The following TFEC variants were observed in gnomAD, a reference collection of about 807,000 sequenced individuals.
TFEC encodes the protein transcription factor EC.
A neutral mutation model predicts 41.6 loss-of-function variants in TFEC; 31 were observed. The ratio of observed to expected loss-of-function variants is 0.74; its 90% confidence interval spans 0.56 to 1.01. The LOEUF (loss-of-function observed/expected upper bound fraction) is 1.01, where lower values mean the gene tolerates loss of function less well. TFEC is among the 50% of genes least tolerant of loss of function. The pLI, the probability that TFEC is intolerant of heterozygous loss-of-function variation, is 0.00. For synonymous variants in TFEC, 143 were observed against 140.6 expected, an observed-to-expected ratio of 1.02 and a Z score of -0.12; for missense variants, 402 against 404.1, an observed-to-expected ratio of 0.99 and a Z score of 0.04.
chr7:115,965,850 C>T (rs989942044), intron 3 of TFEC, among the ~76,000 whole-genome samples: 11 of 151,590 alleles, frequency 7.3e-5, no homozygotes, highest in Admixed American at 6.6e-5. Flanking sequence ...GCTTTTTCTA[C>T]TGTTTTGGCC....
chr7:116,024,362 A>G (rs975869471), intron 1 of TFEC, among the ~76,000 whole-genome samples: 4 of 152,206 alleles, frequency 2.6e-5, no homozygotes, highest in African/African-American at 9.6e-5. Flanking sequence ...AAAGGGTCCT[A>G]GAAAAGACTG....
intron 3 of TFEC, among the ~76,000 whole-genome samples, chr7:116,106,576 C>T (rs1376702955): frequency 2.0e-5 from 3 of 152,030 alleles, no homozygotes; most frequent in African/African-American, 7.2e-5. Context: ...TTAGTAGAGA[C>T]AGGATTTTTG....
intron 5 of TFEC, 137 bp from the exon 6 acceptor site, chr7:115,951,086 G>A (rs1429023450): frequency 2.3e-6 from 1 of 432,038 alleles, no homozygotes; most frequent in South Asian, 8.0e-5. Context: ...TACTTCTCAA[G>A]AATAAAATAA....
Position 115,941,999 on chromosome 7 carries a change from A to G in TFEC, c.557T>C (p.Val186Ala), listed in dbSNP as rs774371109. Residue 186 changes from valine to alanine, a missense_variant, in exon 7 of 8, where the codon GTG (valine) becomes GCG (alanine). Coordinates refer to ENST00000265440, the MANE Select transcript of TFEC (RefSeq NM_012252.4). ...TTTTTGTAGCCACTTGATGTACTCC[A>G]CTGATGCTTTTAGAATGGTTCCTTT... ...WNKGTILKASVEYIKWLQKEQ... is the reference protein window; with the variant it reads ...WNKGTILKASAEYIKWLQKEQ... 1 of 1,613,004 alleles carries G rather than the reference A, an allele frequency of 6.2e-7. No individual in the cohort carries two copies. Among genetic ancestry groups the G allele is most frequent in the Admixed American group, 1.7e-5 (1 of 59,914 alleles).
At position 115,937,175 on chromosome 7, in the gene TFEC, CA is replaced by C. The variant is rs1462298562; in HGVS notation, c.*3375del. ...ATTTTGTTGAAAAAAGAATGAAAAA[CA>C]ATAAAATTATTGTATCTTACTTTAA... On this transcript the variant is annotated 3_prime_UTR_variant, in exon 8 of 8. Coordinates refer to ENST00000265440, the MANE Select transcript of TFEC (RefSeq NM_012252.4). 1 of 151,136 alleles carries C rather than the reference CA, an allele frequency of 6.6e-6. No homozygotes were observed. The highest frequency in any genetic ancestry group is 1.5e-5 in the Non-Finnish European group (1 of 67,540). The allele number at this position is 151,136 out of a possible 1,614,324, so 9.4% of individuals were successfully genotyped here.
rs1797187248 is a variant in TFEC, at chr7:116,085,637, T to G, written c.198+25071A>C. ...AAGTATAAAATTATTGAATAAGATT[T>G]TTTAAGTTTGTTTATAGATTTCATT... On this transcript the variant is annotated intron_variant, in intron 3 of 8. Coordinates refer to the TFEC transcript ENST00000484212. 3.3e-5 allele frequency among the ~76,000 whole-genome samples: 5 copies of G among 151,902 alleles called. No homozygotes were observed. In the South Asian group the frequency reaches 1.0e-3, roughly 31 times the overall value.
At chr7:115,968,818 C>G (rs1213180202) in intron 3 of TFEC, among the ~76,000 whole-genome samples, 2 of 151,838 alleles carry the variant, frequency 1.3e-5, no homozygotes, top group African/African-American at 4.8e-5. Flanking sequence ...CCCTACTTTG[C>G]CATTCATTAA....
intron 6 of TFEC, among the ~76,000 whole-genome samples, chr7:115,950,492 A>G (rs1041972982): frequency 6.6e-6 from 1 of 151,982 alleles, no homozygotes; most frequent in Non-Finnish European, 1.5e-5. Context: ...TAACAATTCT[A>G]TTTTCACTTG....
intron 3 of TFEC, among the ~76,000 whole-genome samples, chr7:116,098,960 A>G (rs1284374353): frequency 2.0e-5 from 3 of 152,186 alleles, no homozygotes; most frequent in Non-Finnish European, 2.9e-5. Context: ...TCATAGATTT[A>G]GAAGCAAAAG....
At chr7:116,156,990 A>G (rs139513818) in intron 1 of TFEC, among the ~76,000 whole-genome samples, 2,820 of 152,292 alleles carry the variant, frequency 0.019, 34 homozygotes, top group Non-Finnish European at 0.027. Context: ...TTATTTTGAA[A>G]TAACTACAAC....
chr7:116,040,167 A>C (rs1352464143), intron 3 of TFEC, among the ~76,000 whole-genome samples: 1 of 152,150 alleles, frequency 6.6e-6, no homozygotes, highest in Non-Finnish European at 1.5e-5. Flanking sequence ...GAAAATAAAC[A>C]TAGGAAAAAC....
chr7:116,155,450 C>A (rs1798850634), intron 1 of TFEC, among the ~76,000 whole-genome samples: 1 of 152,196 alleles, frequency 6.6e-6, no homozygotes, highest in African/African-American at 2.4e-5. Flanking sequence ...TACAGCAAAC[C>A]TGCCAGCATC....
chr7:116,153,006 G>A (rs1417692148), intron 1 of TFEC, among the ~76,000 whole-genome samples: 1 of 152,118 alleles, frequency 6.6e-6, no homozygotes, highest in Non-Finnish European at 1.5e-5. Context: ...AGAAGGTAGA[G>A]GAAAGCATAA....
chr7:116,053,980 A>G (rs545117322), intron 3 of TFEC, among the ~76,000 whole-genome samples: 175 of 152,332 alleles, frequency 1.1e-3, no homozygotes, highest in African/African-American at 3.8e-3. Flanking sequence ...TCTAACTATT[A>G]TTGTTGCAAT....
intron 3 of TFEC, among the ~76,000 whole-genome samples, chr7:115,972,566 A>C (rs1793182063): frequency 6.6e-6 from 1 of 152,134 alleles, no homozygotes; most frequent in Non-Finnish European, 1.5e-5. Context: ...TATTGTGTGA[A>C]TATTATGCTT....
intron 1 of TFEC, among the ~76,000 whole-genome samples, chr7:116,121,912 C>G (rs1241719262): frequency 6.6e-6 from 1 of 151,890 alleles, no homozygotes; most frequent in Non-Finnish European, 1.5e-5. Context: ...TAAAATGTAG[C>G]TATTGGGAGG....
At chr7:116,138,712 G>A (rs1798482886) in intron 1 of TFEC, among the ~76,000 whole-genome samples, 1 of 152,110 alleles carries the variant, frequency 6.6e-6, no homozygotes, top group Non-Finnish European at 1.5e-5. Context: ...GCCTTGCAAA[G>A]GAAGACTCTT....
chr7:116,127,817 C>A (rs1014806591), intron 1 of TFEC, among the ~76,000 whole-genome samples: 37 of 151,958 alleles, frequency 2.4e-4, no homozygotes, highest in Non-Finnish European at 3.5e-4. Flanking sequence ...GTTACAAATT[C>A]ATAGCATGTT....
At chr7:116,097,313 T>G (rs976545594) in intron 3 of TFEC, among the ~76,000 whole-genome samples, 2 of 152,186 alleles carry the variant, frequency 1.3e-5, no homozygotes, top group Non-Finnish European at 2.9e-5. Flanking sequence ...GCATTAGTAC[T>G]GAACTCTACA....
Sources: allele counts gnomAD v4.1 joint callset (sites outside exome capture counted in the v4.1 genomes callset), GRCh38; gene constraint gnomAD v4.1.1; transcripts MANE v1.5; gene names NCBI Gene and HGNC (gene_info 2026-07-23, HGNC 2026-07-21).